Variants in INTS6L observed in about 807,000 individuals in gnomAD.
INTS6L encodes the protein integrator complex subunit 6 like, also known as integrator complex subunit 6-like.
Under a neutral mutation model 64.7 loss-of-function variants are expected in INTS6L, and 18 were observed. The observed-to-expected ratio is 0.28, with a 90% CI of 0.19 to 0.41. The LOEUF is 0.41. Among genes scored for constraint, INTS6L ranks in the 10% least tolerant of loss-of-function variants. The pLI is 1.00. For missense variants in INTS6L, 533 were observed against 661.0 expected, an observed-to-expected ratio of 0.81 and a Z score of 2.12; for synonymous variants, 227 against 235.9, an observed-to-expected ratio of 0.96 and a Z score of 0.34.
intron 15 of INTS6L, among the ~76,000 whole-genome samples, chrX:135,579,174 AT>A (rs1401083714): frequency 8.9e-6 from 1 of 112,039 alleles, no homozygotes; most frequent in Non-Finnish European, 1.9e-5. Flanking sequence ...TTTACTGCTG[AT>A]CTCCAGCTCC....
chrX:135,564,815 T>TTA (rs782144539), intron 9 of INTS6L, among the ~76,000 whole-genome samples: 1 of 111,516 alleles, frequency 9.0e-6, no homozygotes, highest in African/African-American at 3.3e-5. Flanking sequence ...CAATATTTTG[T>TTA]TATGAGTCTC....
chrX:135,540,041 G>A (rs1361678145), intron 2 of INTS6L, among the ~76,000 whole-genome samples: 2 of 112,452 alleles, frequency 1.8e-5, no homozygotes, highest in African/African-American at 6.5e-5. Flanking sequence ...AGCACATGCT[G>A]TTGGAAAAAT....
intron 2 of INTS6L, among the ~76,000 whole-genome samples, chrX:135,530,191 A>C (rs1556503921): frequency 1.8e-5 from 2 of 112,608 alleles, no homozygotes; most frequent in African/African-American, 6.4e-5. Context: ...AATGAATGAA[A>C]ATTATTACTG....
At chrX:135,551,058 A>G (rs1388172260) in intron 7 of INTS6L, among the ~76,000 whole-genome samples, 1 of 112,505 alleles carries the variant, frequency 8.9e-6, no homozygotes, top group Non-Finnish European at 1.9e-5. Flanking sequence ...AAGTTCATTT[A>G]AGAGCTATTT....
intron 2 of INTS6L, among the ~76,000 whole-genome samples, chrX:135,524,663 C>T (rs2085683046): frequency 9.0e-6 from 1 of 111,041 alleles, no homozygotes; most frequent in Admixed American, 9.6e-5. Flanking sequence ...GCAACTCTTC[C>T]CAGTATATCC....
chrX:135,534,759 T>C (rs940513079), intron 2 of INTS6L, among the ~76,000 whole-genome samples: 1 of 106,977 alleles, frequency 9.3e-6, no homozygotes, highest in Non-Finnish European at 1.9e-5. Context: ...CGTAGCTCAC[T>C]GTAGCCTTGA....
At chrX:135,550,629 C>T (rs894623966) in intron 7 of INTS6L, among the ~76,000 whole-genome samples, 1 of 111,753 alleles carries the variant, frequency 8.9e-6, no homozygotes, top group Non-Finnish European at 1.9e-5. Flanking sequence ...CATCTATATT[C>T]TGTCTCAGTT....
chrX:135,554,169 T>C (rs2086580832), intron 8 of INTS6L, among the ~76,000 whole-genome samples: 1 of 111,684 alleles, frequency 9.0e-6, no homozygotes, highest in African/African-American at 3.3e-5. Flanking sequence ...TAAAAATCTA[T>C]GAATCTGTGG....
At chrX:135,562,673 T>A (rs1051181391) in intron 9 of INTS6L, among the ~76,000 whole-genome samples, 3 of 112,333 alleles carry the variant, frequency 2.7e-5, no homozygotes, top group Admixed American at 9.4e-5. Flanking sequence ...TTTTGCAGCT[T>A]TTACTTGGTT....
At chrX:135,532,588 T>G (rs1221532373) in intron 2 of INTS6L, among the ~76,000 whole-genome samples, 1 of 112,018 alleles carries the variant, frequency 8.9e-6, no homozygotes, top group African/African-American at 3.2e-5. Context: ...TTAACCTGAG[T>G]CTGTTACTAA....
chrX:135,553,820 T>G (rs1179270963), intron 8 of INTS6L, among the ~76,000 whole-genome samples: 1 of 111,920 alleles, frequency 8.9e-6, no homozygotes, highest in Non-Finnish European at 1.9e-5. Flanking sequence ...GCAAATAAAA[T>G]TACAAATTAT....
intron 4 of INTS6L, 86 bp from the exon 5 acceptor site, chrX:135,546,616 A>G (rs782628479): frequency 1.1e-4 from 119 of 1,072,316 alleles, no homozygotes; most frequent in Non-Finnish European, 1.4e-4. Context: ...ATTGAGTTAC[A>G]TGAAAGAAAA....
chrX:135,545,172 T>C (rs781993844), intron 2 of INTS6L, among the ~76,000 whole-genome samples: 1 of 112,343 alleles, frequency 8.9e-6, no homozygotes, highest in Non-Finnish European at 1.9e-5. Flanking sequence ...ACTGGACCTC[T>C]TGAGCCACAG....
chrX:135,533,863 T>C (rs2085977447), intron 2 of INTS6L, among the ~76,000 whole-genome samples: 1 of 112,020 alleles, frequency 8.9e-6, no homozygotes, highest in African/African-American at 3.2e-5. Flanking sequence ...CAGTTTTTTT[T>C]CCTGATAATA....
chrX:135,524,650 C>T (rs181948981), intron 2 of INTS6L, among the ~76,000 whole-genome samples: 284 of 111,340 alleles, frequency 2.6e-3, no homozygotes, highest in Non-Finnish European at 3.6e-3. Context: ...TCTTAATAGG[C>T]ATGCAACTCT....
At chrX:135,521,355 G>A (rs2085544881) in intron 2 of INTS6L, 37 bp downstream of exon 2, 1 of 1,165,104 alleles carries the variant, frequency 8.6e-7, no homozygotes, top group Non-Finnish European at 1.2e-6. Flanking sequence ...GGCGGGAAGC[G>A]GGAGCAAGTC....
chrX:135,552,151 T>G lies in INTS6L; in HGVS notation c.1059+5T>G, dbSNP rs782394457. Reference sequence around the variant, plus strand: ...TCTCCCCATACCTGCTGGCAGGTACTTATCCTTACCTATTAGCTAAATGTC... The same window carrying G: ...TCTCCCCATACCTGCTGGCAGGTACGTATCCTTACCTATTAGCTAAATGTC... On this transcript the variant is annotated splice_donor_5th_base_variant and intron_variant, in intron 8 of 17. Coordinates refer to ENST00000639893, the MANE Select transcript of INTS6L (RefSeq NM_001351601.3). 1 of 1,177,678 alleles carries G rather than the reference T, an allele frequency of 8.5e-7. No homozygotes were observed. The highest frequency in any genetic ancestry group is 3.0e-5 in the East Asian group (1 of 33,241).
chrX:135,546,753 C>G lies in INTS6L; in HGVS notation c.481C>G (p.Pro161Ala), dbSNP rs1556515182. ...PLPGSELTKE[P>A]FRWDQRLFAL... ...GCCTGGAAGTGAACTAACCAAAGAA[C>G]CTTTTCGTTGGGATCAAAGGTTATT... Residue 161 changes from proline (P) to alanine (A), a missense_variant, in exon 5 of 18, where the codon CCT becomes GCT. By Grantham distance (27) the Pro-to-Ala change is conservative. Transcript: ENST00000639893. 8.3e-7 allele frequency: 1 copy of G among 1,211,312 alleles called. No individual in the cohort carries two copies. The highest frequency in any genetic ancestry group is 1.1e-6 in the Non-Finnish European group (1 of 895,262).
At chrX:135,532,341 C>T (rs782118506) in intron 2 of INTS6L, among the ~76,000 whole-genome samples, 2 of 112,591 alleles carry the variant, frequency 1.8e-5, no homozygotes, top group South Asian at 3.7e-4. Flanking sequence ...TAATAGCTTA[C>T]GTAGGTGCGT....
Sources: gnomAD v4.1 joint callset for allele counts (sites outside exome capture counted in the v4.1 genomes callset) on GRCh38, gnomAD v4.1.1 for gene constraint, MANE v1.5 for transcripts, NCBI Gene and HGNC (gene_info 2026-07-23, HGNC 2026-07-21) for gene names.